The following OTOL1 variants were observed in gnomAD, a reference collection of about 807,000 sequenced individuals.
The protein encoded by OTOL1 is otolin-1.
In OTOL1, 31 loss-of-function variants were observed where a neutral mutation model predicts 25.0. That is an observed-to-expected ratio of 1.24 (90% confidence interval 0.93 to 1.67). The LOEUF is 1.67. Among genes scored for constraint, OTOL1 ranks in the 40% most tolerant of loss-of-function variants. OTOL1 has a pLI of 0.00. For missense variants in OTOL1, 654 were observed against 587.7 expected (o/e 1.11, Z -1.17); for synonymous variants, 225 against 210.3 (o/e 1.07, Z -0.61).
intron 3 of OTOL1, 21 bp downstream of exon 3, chr3:161,502,390 A>T: frequency 6.2e-7 from 1 of 1,603,982 alleles, no homozygotes; most frequent in South Asian, 1.1e-5. Context: ...AAATGTATCT[A>T]CTGTGTACAG....
In OTOL1 at chr3:161,503,048, T is replaced by C. The variant is rs1719013527; in HGVS notation, c.540T>C (p.Asp180=). The change falls in exon 4 of 4, where the codon GAT becomes GAC. Residue 180 remains aspartate (D), a synonymous_variant. Transcript: ENST00000327928. ...GAQGEPGPKG[D]KGNIGLGGVK... is the part of the protein sequence containing the mutation. ...CAGGTGAACCTGGCCCTAAGGGAGATAAAGGAAACATTGGTTTGGGAGGAG... is the reference window on the plus strand; with the variant it reads ...CAGGTGAACCTGGCCCTAAGGGAGACAAAGGAAACATTGGTTTGGGAGGAG... 7.4e-7 allele frequency: 1 copy of C among 1,358,668 alleles called. No homozygotes were observed. The highest frequency in any genetic ancestry group is 9.5e-7 in the Non-Finnish European group (1 of 1,050,656). The allele number at this position is 1,358,668 out of a possible 1,614,324, so 84.2% of individuals were successfully genotyped here.
rs1282113371 is a variant in OTOL1, at chr3:161,503,788, C to G, written c.1280C>G (p.Ala427Gly). ...ETLYGQEIDQ[A>G]SLLVILKLSA... Reference sequence around the variant, plus strand: ...CTCTATGGTCAGGAAATAGACCAGGCCTCTCTCCTCGTCATCTTGAAATTA... The same window carrying G: ...CTCTATGGTCAGGAAATAGACCAGGGCTCTCTCCTCGTCATCTTGAAATTA... Residue 427 changes from alanine to glycine, a missense_variant, in exon 4 of 4, where the codon GCC (alanine) becomes GGC (glycine). Transcript: ENST00000327928. 3.1e-6 allele frequency: 5 copies of G among 1,613,756 alleles called. No homozygotes were observed. Among genetic ancestry groups the G allele is most frequent in the Non-Finnish European group, 4.2e-6 (5 of 1,179,878 alleles).
chr3:161,502,174 CT>C, intron 2 of OTOL1, 132 bp from the exon 3 acceptor site: 1 of 820,684 alleles, frequency 1.2e-6, no homozygotes, highest in Non-Finnish European at 2.0e-6. Context: ...GGCGTACATT[CT>C]TTTTCCACAC....
At chr3:161,500,877 G>A (rs1296172473) in intron 2 of OTOL1, among the ~76,000 whole-genome samples, 2 of 152,086 alleles carry the variant, frequency 1.3e-5, no homozygotes, top group African/African-American at 4.8e-5. Flanking sequence ...ACCTATGGTG[G>A]GATTTCTCTA....
intron 2 of OTOL1, 104 bp downstream of exon 2, chr3:161,499,364 A>T (rs1173979052): frequency 2.6e-6 from 2 of 781,140 alleles, no homozygotes; most frequent in Non-Finnish European, 4.1e-6. Flanking sequence ...AGTCAATTTT[A>T]AAAATGTAAA....
rs751604824 is a variant in OTOL1 at position 161,503,484 on chromosome 3, G to T, written c.976G>T (p.Gly326Cys). ...KGVRGPTGKK[G>C]SRGFKGSKGE... ...GGTCCGAGGCCCCACTGGGAAGAAG[G>T]GCTCTCGGGGCTTTAAAGGCTCCAA... is the stretch of plus-strand genomic sequence containing the variant. Residue 326 changes from glycine (G) to cysteine (C), a missense_variant, in exon 4 of 4, where the codon GGC becomes TGC. Transcript: ENST00000327928. The T allele has an allele frequency of 5.6e-6, 9 of 1,613,778 alleles. No homozygotes were observed. Among genetic ancestry groups the T allele is most frequent in the Non-Finnish European group, 6.8e-6 (8 of 1,179,848 alleles).
chr3:161,499,341 A>G, intron 2 of OTOL1, 81 bp downstream of exon 2: 1 of 961,400 alleles, frequency 1.0e-6, no homozygotes, highest in Non-Finnish European at 1.6e-6. Flanking sequence ...TAAAGACTAG[A>G]TTCTTGCAGA....
In OTOL1 at chr3:161,503,789, C is replaced by T; in HGVS notation, c.1281C>T (p.Ala427=). Residue 427 remains alanine (A), a synonymous_variant, in exon 4 of 4, where the codon GCC becomes GCT. Coordinates refer to ENST00000327928, the MANE Select transcript of OTOL1 (RefSeq NM_001080440.1). ...TCTATGGTCAGGAAATAGACCAGGC[C>T]TCTCTCCTCGTCATCTTGAAATTAA... ...ETLYGQEIDQ[A]SLLVILKLSA... The T allele has an allele frequency of 6.2e-7, 1 of 1,613,902 alleles. No individual in the cohort carries two copies. The highest frequency in any genetic ancestry group is 8.5e-7 in the Non-Finnish European group (1 of 1,179,856).
At chr3:161,497,922 T>C (rs1718876183) in intron 1 of OTOL1, among the ~76,000 whole-genome samples, 2 of 152,160 alleles carry the variant, frequency 1.3e-5, no homozygotes, top group African/African-American at 2.4e-5. Flanking sequence ...GATCAGAATG[T>C]CAACTTAAAA....
At chr3:161,498,120 A>G (rs531551942) in intron 1 of OTOL1, among the ~76,000 whole-genome samples, 119 of 152,250 alleles carry the variant, frequency 7.8e-4, no homozygotes, top group African/African-American at 2.6e-3. Flanking sequence ...TTGCTAAAAC[A>G]TTACTGAAAA....
intron 3 of OTOL1, among the ~76,000 whole-genome samples, chr3:161,502,629 T>C (rs1202212879): frequency 6.6e-6 from 1 of 152,178 alleles, no homozygotes; most frequent in African/African-American, 2.4e-5. Context: ...GGGTCTCAGT[T>C]TCCTTGCCAA....
Position 161,497,155 on chromosome 3 carries a change from A to G in OTOL1, c.348A>G (p.Gly116=). 6.2e-7 allele frequency: 1 copy of G among 1,611,988 alleles called. No individual in the cohort carries two copies. The highest frequency in any genetic ancestry group is 1.3e-5 in the African/African-American group (1 of 74,872). ...SPVPGQKGEP[G]ETGQPGPKGE... ...TACCCGGGCAGAAAGGAGAACCTGGAGAGACTGGACAGCCAGGTATTAGAA... is the reference window on the plus strand; with the variant it reads ...TACCCGGGCAGAAAGGAGAACCTGGGGAGACTGGACAGCCAGGTATTAGAA... The change falls in exon 1 of 4, where the codon GGA becomes GGG. Residue 116 remains glycine, a synonymous_variant. Coordinates refer to ENST00000327928, the MANE Select transcript of OTOL1 (RefSeq NM_001080440.1).
At chr3:161,501,788 A>G (rs971297884) in intron 2 of OTOL1, among the ~76,000 whole-genome samples, 1 of 152,186 alleles carries the variant, frequency 6.6e-6, no homozygotes, top group African/African-American at 2.4e-5. Flanking sequence ...GCTGAGGGCA[A>G]AGATGAATTC....
intron 2 of OTOL1, among the ~76,000 whole-genome samples, chr3:161,500,513 C>G (rs1718949654): frequency 6.6e-6 from 1 of 152,170 alleles, no homozygotes; most frequent in Admixed American, 6.5e-5. Context: ...AGCAACTCTA[C>G]TTTCCTTTCA....
Position 161,503,354 on chromosome 3 carries a change from G to A in OTOL1, c.846G>A (p.Leu282=). 6.3e-7 allele frequency: 1 copy of A among 1,599,456 alleles called. No individual in the cohort carries two copies. Among genetic ancestry groups the A allele is most frequent in the South Asian group, 1.1e-5 (1 of 89,088 alleles). The change falls in exon 4 of 4, where the codon CTG becomes CTA. Residue 282 remains leucine (L), a synonymous_variant. Coordinates refer to ENST00000327928, the MANE Select transcript of OTOL1 (RefSeq NM_001080440.1). ...GMEGKSGRNG[L]PGAKGDPGIK... is the part of the protein sequence containing the mutation. Reference sequence around the variant, plus strand: ...AAGGCAAAAGCGGCCGTAATGGTCTGCCTGGGGCCAAAGGTGATCCAGGGA... The same window carrying A: ...AAGGCAAAAGCGGCCGTAATGGTCTACCTGGGGCCAAAGGTGATCCAGGGA...
Position 161,499,235 on chromosome 3 carries a change from C to T in OTOL1, c.429C>T (p.Gly143=). 3 of 1,609,936 alleles carry T rather than the reference C, an allele frequency of 1.9e-6. No homozygotes were observed. The highest frequency in any genetic ancestry group is 2.7e-5 in the African/African-American group (2 of 74,890). The change falls in exon 2 of 4, where the codon GGC becomes GGT. Residue 143 remains glycine (G), a synonymous_variant. Transcript: ENST00000327928. ...CACCAGGAGTTGTTGGGCCCCAAGG[C>T]CCTAGAGGCTACAAAGGAGAGAAAG... The part of the protein sequence containing the change: ...PGPPGVVGPQ[G]PRGYKGEKGL...
rs1399550620 is a variant in OTOL1, at chr3:161,496,849, G to T, written c.42G>T (p.Leu14Phe). The change falls in exon 1 of 4, where the codon TTG (leucine) becomes TTT (phenylalanine). Residue 14 changes from leucine to phenylalanine, a missense_variant. Coordinates refer to ENST00000327928, the MANE Select transcript of OTOL1 (RefSeq NM_001080440.1). ...GGCTTTGTGCTATTTTAATTATTTT[G>T]GCTATTGCTGGTATGAACACAATAG... ...FSWLCAILII[L>F]AIAGMNTIAK... is the part of the protein sequence containing the mutation. 1.3e-6 allele frequency: 2 copies of T among 1,597,338 alleles called. No homozygotes were observed. Among genetic ancestry groups the T allele is most frequent in the Non-Finnish European group, 8.5e-7 (1 of 1,173,450 alleles).
At chr3:161,499,039 A>G in intron 1 of OTOL1, 132 bp from the exon 2 acceptor site, 1 of 739,358 alleles carries the variant, frequency 1.4e-6, no homozygotes, top group Non-Finnish European at 2.3e-6. Flanking sequence ...TGTGTGGTTT[A>G]TTCTTACTCA....
In OTOL1 at chr3:161,503,536, C is replaced by A. The variant is rs375108313; in HGVS notation, c.1028C>A (p.Ser343Ter). The A allele has an allele frequency of 8.7e-6, 14 of 1,613,734 alleles. No homozygotes were observed. The highest frequency in any genetic ancestry group is 2.2e-5 in the East Asian group (1 of 44,838). ...SKGELARVPR[S>*]AFSAGLSKPF... ...GGTGAGTTGGCTAGAGTGCCCCGGT[C>A]GGCTTTCAGCGCTGGTTTGTCAAAG... The change falls in exon 4 of 4, where the codon TCG becomes TAG. Residue 343 changes from serine (S) to a stop codon, truncating the protein, a stop_gained. Coordinates refer to ENST00000327928, the MANE Select transcript of OTOL1 (RefSeq NM_001080440.1). LOFTEE classifies it low-confidence loss of function (END_TRUNC).
Sources: gnomAD v4.1 joint callset for allele counts (sites outside exome capture counted in the v4.1 genomes callset) on GRCh38, gnomAD v4.1.1 for gene constraint, MANE v1.5 for transcripts, NCBI Gene and HGNC (gene_info 2026-07-23, HGNC 2026-07-21) for gene names.